Variants in AJAP1 observed in about 807,000 individuals in gnomAD.
AJAP1 encodes the protein adherens junction-associated protein 1.
In AJAP1, 5 loss-of-function variants were observed where a neutral mutation model predicts 35.0. The observed-to-expected ratio is 0.14, with a 90% CI of 0.07 to 0.30. The LOEUF (loss-of-function observed/expected upper bound fraction) is 0.30, where lower values mean the gene tolerates loss of function less well. Ranked by LOEUF, AJAP1 falls within the 10% of genes least tolerant of loss-of-function variation. The probability of loss-of-function intolerance (pLI) is 1.00; values close to 1 mark genes in which losing one functional copy is unlikely to be tolerated. For synonymous variants in AJAP1, 284 were observed against 249.3 expected (o/e 1.14, Z -1.31); for missense variants, 586 against 571.0 (o/e 1.03, Z -0.27).
intron 2 of AJAP1, among the ~76,000 whole-genome samples, chr1:4,765,934 C>T (rs1641674316): frequency 6.6e-6 from 1 of 152,164 alleles, no homozygotes; most frequent in African/African-American, 2.4e-5. Flanking sequence ...TGACAGTGAC[C>T]AGTGAAGAGC....
At chr1:4,698,739 AC>A (rs1321278380) in intron 1 of AJAP1, among the ~76,000 whole-genome samples, 3 of 151,808 alleles carry the variant, frequency 2.0e-5, no homozygotes, top group Non-Finnish European at 4.4e-5. Context: ...TATAAGGCCC[AC>A]CCCTGGCCAT....
chr1:4,726,424 G>A (rs748036056), intron 2 of AJAP1, among the ~76,000 whole-genome samples: 1 of 152,194 alleles, frequency 6.6e-6, no homozygotes. Context: ...GCCCAGTGGG[G>A]TGAGCAGAGT....
intron 5 of AJAP1, among the ~76,000 whole-genome samples, chr1:4,780,546 G>T (rs1021123120): frequency 6.6e-6 from 1 of 151,978 alleles, no homozygotes; most frequent in East Asian, 1.9e-4. Flanking sequence ...GGCACAGCTG[G>T]AGTAAGGCTA....
chr1:4,701,104 C>A (rs1453279530), intron 1 of AJAP1, among the ~76,000 whole-genome samples: 6 of 152,254 alleles, frequency 3.9e-5, no homozygotes, highest in African/African-American at 1.4e-4. Flanking sequence ...CCTTCAGTCT[C>A]CTCCAAGCAC....
intron 2 of AJAP1, among the ~76,000 whole-genome samples, chr1:4,715,426 C>A (rs1442367109): frequency 6.6e-6 from 1 of 152,210 alleles, no homozygotes; most frequent in Non-Finnish European, 1.5e-5. Flanking sequence ...TGGCTCACGC[C>A]TATAATCCCG....
chr1:4,658,170 G>T (rs1638924978), intron 1 of AJAP1, among the ~76,000 whole-genome samples: 1 of 152,154 alleles, frequency 6.6e-6, no homozygotes, highest in South Asian at 2.1e-4. Context: ...CACCTAATAC[G>T]TTTGCTGGGT....
chr1:4,777,977 TCTG>T (rs1641972895), intron 5 of AJAP1, among the ~76,000 whole-genome samples: 1 of 152,220 alleles, frequency 6.6e-6, no homozygotes, highest in Non-Finnish European at 1.5e-5. Context: ...GTCAAGAAAT[TCTG>T]CTCTGCCCCG....
chr1:4,761,328 C>T (rs1641559236), intron 2 of AJAP1, among the ~76,000 whole-genome samples: 1 of 152,302 alleles, frequency 6.6e-6, no homozygotes, highest in East Asian at 1.9e-4. Flanking sequence ...AAAGACTTGT[C>T]CCCTGGGCTC....
At chr1:4,735,319 A>C (rs951209515) in intron 2 of AJAP1, among the ~76,000 whole-genome samples, 2 of 152,186 alleles carry the variant, frequency 1.3e-5, no homozygotes. Flanking sequence ...CATCCCTGGA[A>C]TTCCAGCCTG....
intron 1 of AJAP1, among the ~76,000 whole-genome samples, chr1:4,699,467 C>G (rs1639939508): frequency 6.6e-6 from 1 of 152,176 alleles, no homozygotes; most frequent in Non-Finnish European, 1.5e-5. Context: ...GACAGAGGGG[C>G]TGCAGTGAGT....
chr1:4,777,244 C>G (rs1641957655), intron 5 of AJAP1, among the ~76,000 whole-genome samples: 1 of 152,186 alleles, frequency 6.6e-6, no homozygotes, highest in African/African-American at 2.4e-5. Flanking sequence ...GGTTTAAGAG[C>G]CAGTGGAGCT....
Position 4,655,498 on chromosome 1 carries a change from GC to G in AJAP1, c.29+46del. 1 of 1,551,618 alleles carries G rather than the reference GC, an allele frequency of 6.4e-7. No individual in the cohort carries two copies. On this transcript the variant is annotated intron_variant, in intron 1 of 5. Coordinates refer to ENST00000378191, the MANE Select transcript of AJAP1 (RefSeq NM_018836.4). This position sits in a 1 kb window ranked among gnomAD's most constrained non-coding sequence, Gnocchi z 6.9. ...GCCGGGTGCGTGTGGGCGCGTGGGTGCCAGGCTGGGCGGAAGCGGCGCTTTC... is the reference window on the plus strand; with the variant it reads ...GCCGGGTGCGTGTGGGCGCGTGGGTGCAGGCTGGGCGGAAGCGGCGCTTTC...
chr1:4,676,462 G>A (rs988472085), intron 1 of AJAP1, among the ~76,000 whole-genome samples: 87 of 152,234 alleles, frequency 5.7e-4, no homozygotes, highest in African/African-American at 1.6e-3. Flanking sequence ...AGCTCTCGTC[G>A]TCCTGGGGGC....
chr1:4,776,344 C>T (rs1641939625), intron 5 of AJAP1, among the ~76,000 whole-genome samples: 1 of 152,092 alleles, frequency 6.6e-6, no homozygotes, highest in African/African-American at 2.4e-5. Flanking sequence ...CCTGCCCAGT[C>T]CTCCCAGCAA....
rs1642200362 is a variant in AJAP1 at position 4,788,332 on chromosome 1, A to G, written c.*5847A>G. On this transcript the variant is annotated 3_prime_UTR_variant, in exon 6 of 6. Transcript: ENST00000378191. ...ATTTGGATGTAAGGAGTGACTAAAA[A>G]CAGGTCTAGGCAGAGAACTGCTATC... 2 of 152,640 alleles carry G rather than the reference A, an allele frequency of 1.3e-5. No individual in the cohort carries two copies. Among genetic ancestry groups the G allele is most frequent in the African/African-American group, 4.8e-5 (2 of 41,448 alleles). The allele number at this position is 152,640 out of a possible 1,614,324, so 9.5% of individuals were successfully genotyped here.
chr1:4,666,922 C>T (rs1639140471), intron 1 of AJAP1, among the ~76,000 whole-genome samples: 1 of 145,178 alleles, frequency 6.9e-6, no homozygotes, highest in African/African-American at 2.6e-5. Flanking sequence ...CCGTGAATCA[C>T]GAGAGGGGTG....
intron 2 of AJAP1, among the ~76,000 whole-genome samples, chr1:4,750,601 C>G (rs187516859): frequency 6.7e-4 from 101 of 151,554 alleles, no homozygotes; most frequent in African/African-American, 2.1e-3. Context: ...GAGCAGTGCC[C>G]TCTGCCAGGC....
rs759522966 is a variant in AJAP1, at chr1:4,712,204, G to A, written c.334G>A (p.Val112Met). Residue 112 changes from valine (V) to methionine (M), a missense_variant, in exon 2 of 6, where the codon GTG becomes ATG. By Grantham distance (21) the Val-to-Met change is conservative. Transcript: ENST00000378191. Reference sequence around the variant, plus strand: ...GCCCCGGGACCAGGCGGCCGCCCTCGTGCCCAAGGCAGGACTGGCCAAGCC... The same window carrying A: ...GCCCCGGGACCAGGCGGCCGCCCTCATGCCCAAGGCAGGACTGGCCAAGCC... ...HRPRDQAAAL[V>M]PKAGLAKPPA... The A allele has an allele frequency of 4.5e-6, 7 of 1,564,220 alleles. No individual in the cohort carries two copies. The highest frequency in any genetic ancestry group is 1.2e-5 in the South Asian group (1 of 84,218).
chr1:4,662,817 A>G (rs1180380604), intron 1 of AJAP1, among the ~76,000 whole-genome samples: 3 of 152,254 alleles, frequency 2.0e-5, no homozygotes, highest in African/African-American at 7.2e-5. Context: ...GCATTCTGCC[A>G]CGGGGATGTG....
Sources: gnomAD v4.1 joint callset for allele counts (sites outside exome capture counted in the v4.1 genomes callset) on GRCh38, gnomAD v4.1.1 for gene constraint, Gnocchi (gnomAD v3.1) non-coding constraint, MANE v1.5 for transcripts, NCBI Gene and HGNC (gene_info 2026-07-23, HGNC 2026-07-21) for gene names.